MED12: variants seen among roughly 807,000 people sequenced by gnomAD.
The protein encoded by MED12 is mediator complex subunit 12.
Under a neutral mutation model 177.7 loss-of-function variants are expected in MED12, and 10 were observed. That is an observed-to-expected ratio of 0.06 (90% confidence interval 0.03 to 0.10). The LOEUF (loss-of-function observed/expected upper bound fraction) is 0.10, where lower values mean the gene tolerates loss of function less well. Among genes scored for constraint, MED12 ranks in the 10% least tolerant of loss-of-function variants. MED12 has a pLI of 1.00. For synonymous variants in MED12, 641 were observed against 678.4 expected (o/e 0.94, Z 0.86); for missense variants, 867 against 1,780.8 (o/e 0.49, Z 9.23).
At position 71,121,785 on chromosome X, in the gene MED12, C is replaced by T. The variant is rs2147780460; in HGVS notation, c.1070C>T (p.Pro357Leu). 1 of 1,212,011 alleles carries T rather than the reference C, an allele frequency of 8.3e-7. No homozygotes were observed. The highest frequency in any genetic ancestry group is 2.2e-5 in the Admixed American group (1 of 46,077). Reference sequence around the variant, plus strand: ...CTGCTTATGTGCCCTCAGCACCGGCCCCTGGTTTTTGGCCTCAGCTGTATC... The same window carrying T: ...CTGCTTATGTGCCCTCAGCACCGGCTCCTGGTTTTTGGCCTCAGCTGTATC... ...SDLLMCPQHR[P>L]LVFGLSCILQ... The change falls in exon 7 of 45, where the codon CCC becomes CTC. Residue 357 changes from proline (P) to leucine (L), a missense_variant. By Grantham distance (98) the Pro-to-Leu change is moderately conservative (BLOSUM62 -3). Transcript: ENST00000374080.
At position 71,132,349 on chromosome X, in the gene MED12, G is replaced by T. The variant is rs369399007; in HGVS notation, c.4254-28G>T. ...TTCCAGCCTTGCCTGGCTCCCCTGT[G>T]ACCCTGTGTCCTCTGTCTGTTCTCC... On this transcript the variant is annotated intron_variant, in intron 30 of 44. Transcript: ENST00000374080. 5.1e-4 allele frequency: 613 copies of T among 1,207,098 alleles called. No homozygotes were observed. Among genetic ancestry groups the T allele is most frequent in the Non-Finnish European group, 6.8e-4 (603 of 893,296 alleles).
intron 29 of MED12, among the ~76,000 whole-genome samples, chrX:71,131,856 C>T (rs1333632524): frequency 9.0e-6 from 1 of 110,809 alleles, no homozygotes; most frequent in Non-Finnish European, 1.9e-5. Flanking sequence ...TTTCTCTGGC[C>T]ATAGATGTAA....
At position 71,132,419 on chromosome X, in the gene MED12, T is replaced by C. The variant is rs1872562086; in HGVS notation, c.4296T>C (p.Ile1432=). 2 of 1,211,152 alleles carry C rather than the reference T, an allele frequency of 1.7e-6. No individual in the cohort carries two copies. Among genetic ancestry groups the C allele is most frequent in the Middle Eastern group, 2.4e-4 (1 of 4,187 alleles). ...GTGTATGGCTGGTGGCCCCCCTCAT[T>C]GCTAAACTGCCCACCTCAGTCCAGG... The part of the protein sequence containing the change: ...RSGVWLVAPL[I]AKLPTSVQGH... The change falls in exon 31 of 45, where the codon ATT becomes ATC. Residue 1432 remains isoleucine (I), a synonymous_variant. Coordinates refer to ENST00000374080, the MANE Select transcript of MED12 (RefSeq NM_005120.3).
chrX:71,142,127 A>G, intron 44 of MED12, 48 bp from the exon 45 acceptor site: 1 of 1,181,284 alleles, frequency 8.5e-7, no homozygotes, highest in Admixed American at 2.2e-5. Context: ...GTGCATACCC[A>G]CACCCCTGCC....
At position 71,130,109 on chromosome X, in the gene MED12, T is replaced by C. The variant is rs3810670; in HGVS notation, c.3942T>C (p.Ser1314=). ...ACCTGCAAGACCCAGTGTTGAGTAG[T>C]GCCCAGGCGCAGCGCCTCATGCAGC... ...SNDLQDPVLS[S]AQAQRLMQLI... The change falls in exon 28 of 45, where the codon AGT becomes AGC. Residue 1314 remains serine, a synonymous_variant. Transcript: ENST00000374080. 338 of 1,208,573 alleles carry C rather than the reference T, an allele frequency of 2.8e-4. 2 individuals carry two copies. In the East Asian group the frequency reaches 9.9e-3, roughly 35 times the overall value.
At chrX:71,129,956 C>T in intron 27 of MED12, 79 bp from the exon 28 acceptor site, 1 of 1,176,348 alleles carries the variant, frequency 8.5e-7, no homozygotes, top group Admixed American at 2.3e-5. Flanking sequence ...CATTGTGTTC[C>T]TTAACAACTC....
intron 1 of MED12, 124 bp from the exon 2 acceptor site, chrX:71,119,249 C>T (rs1447141789): frequency 7.5e-6 from 4 of 530,760 alleles, no homozygotes; most frequent in Non-Finnish European, 1.3e-5. Context: ...AAGTAACGAT[C>T]TGTTCTACAC....
chrX:71,131,435 G>C, intron 28 of MED12, 115 bp from the exon 29 acceptor site: 1 of 691,967 alleles, frequency 1.4e-6, no homozygotes, highest in Non-Finnish European at 2.3e-6. Context: ...GTCCCTTTCA[G>C]ACCTCCAGGA....
rs1488661030 is a variant in MED12 at position 71,132,877 on chromosome X, C to T, written c.4448C>T (p.Ser1483Leu). ...MSLLSQQPFL[S>L]LVLTCLKGQD... ...CTATTGAGCCAGCAGCCCTTCTTAT[C>T]GCTGGTGCTAACATGTCTGAAAGGG... Residue 1483 changes from serine to leucine, a missense_variant, in exon 32 of 45, where the codon TCG becomes TTG. This residue lies in a region of MED12 where 17 missense variants were observed against 76.7 expected (regional missense o/e 0.22). Coordinates refer to ENST00000374080, the MANE Select transcript of MED12 (RefSeq NM_005120.3). The T allele has an allele frequency of 2.5e-6, 3 of 1,184,224 alleles. No individual in the cohort carries two copies. Among genetic ancestry groups the T allele is most frequent in the African/African-American group, 1.8e-5 (1 of 56,065 alleles).
intron 1 of MED12, 112 bp downstream of exon 1, chrX:71,118,965 C>G (rs2092282037): frequency 3.9e-6 from 2 of 511,778 alleles, no homozygotes; most frequent in African/African-American, 5.3e-5. Context: ...GCAAAAGTCC[C>G]GAAAGGGGGA....
intron 2 of MED12, 63 bp downstream of exon 2, chrX:71,119,540 T>G: frequency 9.0e-7 from 1 of 1,105,060 alleles, no homozygotes; most frequent in South Asian, 1.9e-5. Flanking sequence ...GCAAAGGCCC[T>G]GGGTTGGGAA....
At chrX:71,122,968 A>G in intron 10 of MED12, 94 bp downstream of exon 10, 1 of 1,141,742 alleles carries the variant, frequency 8.8e-7, no homozygotes, top group Non-Finnish European at 1.2e-6. Flanking sequence ...AAAGCAGAGC[A>G]TATCTGCAGA....
At chrX:71,131,464 CAGG>C in intron 28 of MED12, 83 bp from the exon 29 acceptor site, 2 of 888,916 alleles carry the variant, frequency 2.2e-6, no homozygotes, top group Non-Finnish European at 3.3e-6. Flanking sequence ...TTCAATGTTG[CAGG>C]AGATCAGGAA....
chrX:71,140,854 G>A lies in MED12; in HGVS notation c.6264G>A (p.Leu2088=). 2 of 1,204,440 alleles carry A rather than the reference G, an allele frequency of 1.7e-6. No homozygotes were observed. The highest frequency in any genetic ancestry group is 2.2e-6 in the Non-Finnish European group (2 of 894,879). The change falls in exon 42 of 45, where the codon CTG becomes CTA. Residue 2088 remains leucine (L), a synonymous_variant. Transcript: ENST00000374080. Reference sequence around the variant, plus strand: ...GGCAGCAGCAGCAGCAGCAGATCCTGCGGGTAAGGCACTGGGATTTCATCT... The same window carrying A: ...GGCAGCAGCAGCAGCAGCAGATCCTACGGGTAAGGCACTGGGATTTCATCT... The part of the protein sequence containing the change: ...HIRQQQQQQI[L]RQQQQQQQQQ...
rs768405465 is a variant in MED12, at chrX:71,121,163, G to C, written c.735+11G>C. The C allele has an allele frequency of 2.5e-6, 3 of 1,210,772 alleles. No homozygotes were observed. In the South Asian group the frequency reaches 5.3e-5, roughly 21 times the overall value. ...ATGTTCATGTTTCAGGTAGAGAGTA[G>C]GGCATGCTGTGTGGGGCATTGGGTT... On this transcript the variant is annotated intron_variant, in intron 5 of 44. Transcript: ENST00000374080.
intron 42 of MED12, 38 bp from the exon 43 acceptor site, chrX:71,141,192 C>T (rs1602307177): frequency 8.6e-7 from 1 of 1,162,670 alleles, no homozygotes. Context: ...TAGCTTCCTC[C>T]CTCTGCTCCT....
intron 34 of MED12, 119 bp from the exon 35 acceptor site, chrX:71,134,594 A>G: frequency 9.6e-7 from 1 of 1,044,162 alleles, no homozygotes; most frequent in Non-Finnish European, 1.3e-6. Context: ...CTCCCCATAC[A>G]GTTTTGGTGC....
At chrX:71,126,565 G>A (rs2147796928) in intron 19 of MED12, 81 bp downstream of exon 19, 1 of 1,105,814 alleles carries the variant, frequency 9.0e-7, no homozygotes. Flanking sequence ...GACAGGCGTA[G>A]AGGCTCCAGC....
rs2147791863 is a variant in MED12 at position 71,125,109 on chromosome X, G to A, written c.2189G>A (p.Arg730Gln). 8.3e-7 allele frequency: 1 copy of A among 1,211,059 alleles called. No homozygotes were observed. The highest frequency in any genetic ancestry group is 1.1e-6 in the Non-Finnish European group (1 of 895,318). ...GTLGVLYDQP[R>Q]HVQYATHFPI... ...CTTGGGGTTCTTTACGACCAGCCAC[G>A]ACACGTGCAGTACGCCACCCATTTT... Residue 730 changes from arginine to glutamine, a missense_variant, in exon 15 of 45, where the codon CGA (arginine) becomes CAA (glutamine). Physicochemically the swap from Arg to Gln is conservative, Grantham distance 43. Coordinates refer to ENST00000374080, the MANE Select transcript of MED12 (RefSeq NM_005120.3).
Sources: gnomAD v4.1 joint callset for allele counts (sites outside exome capture counted in the v4.1 genomes callset) on GRCh38, gnomAD v4.1.1 for gene constraint, gnomAD v4.1.1 regional missense constraint, MANE v1.5 for transcripts, NCBI Gene and HGNC (gene_info 2026-07-23, HGNC 2026-07-21) for gene names.